SLC35F3: variants seen among roughly 807,000 people sequenced by gnomAD.
The protein encoded by SLC35F3 is putative thiamine transporter SLC35F3.
Under a neutral mutation model 49.9 loss-of-function variants are expected in SLC35F3, and 25 were observed. That is an observed-to-expected ratio of 0.50 (90% CI 0.37 to 0.70). The LOEUF (loss-of-function observed/expected upper bound fraction) is 0.70, where lower values mean the gene tolerates loss of function less well. SLC35F3 is among the 30% of genes least tolerant of loss of function. The pLI is 0.00. For synonymous variants in SLC35F3, 275 were observed against 265.4 expected (o/e 1.04, Z -0.35); for missense variants, 525 against 639.8 (o/e 0.82, Z 1.94).
chr1:233,975,430 C>T lies in SLC35F3; in HGVS notation c.283+69672C>T, dbSNP rs188257806. ...GCCATAACTGCGGAATACCTTTCTC[C>T]AAGAAGCTGAAATAACCTGTGTCAA... On this transcript the variant is annotated intron_variant, in intron 2 of 7. Transcript: ENST00000366618. Among the ~76,000 whole-genome samples, 36 of 152,348 alleles carry T rather than the reference C, an allele frequency of 2.4e-4. 1 individual carries two copies. The highest frequency in any genetic ancestry group is 8.4e-4 in the African/African-American group (35 of 41,578).
At chr1:234,088,889 G>A (rs1456196362) in intron 2 of SLC35F3, among the ~76,000 whole-genome samples, 2 of 152,098 alleles carry the variant, frequency 1.3e-5, no homozygotes, top group Non-Finnish European at 2.9e-5. Flanking sequence ...AGCCTCCTGA[G>A]TAGCTGGAAT....
chr1:234,066,179 A>G (rs1572038591), intron 2 of SLC35F3, among the ~76,000 whole-genome samples: 2 of 152,228 alleles, frequency 1.3e-5, no homozygotes, highest in South Asian at 4.1e-4. Context: ...GATGAAGAGA[A>G]GCACTGAGTT....
intron 2 of SLC35F3, among the ~76,000 whole-genome samples, chr1:234,109,055 G>A (rs1331591760): frequency 5.3e-5 from 8 of 151,924 alleles, no homozygotes; most frequent in Admixed American, 5.3e-4. Flanking sequence ...ATTCTGCTCT[G>A]ACCATCCTGA....
At chr1:234,127,958 A>G (rs1291685483) in intron 2 of SLC35F3, among the ~76,000 whole-genome samples, 1 of 152,172 alleles carries the variant, frequency 6.6e-6, no homozygotes, top group African/African-American at 2.4e-5. Context: ...TTATCTGTCC[A>G]TTGCTCCCTC....
rs566085976 is a variant in SLC35F3, at chr1:234,312,905, C to T, written c.828+3585C>T. On this transcript the variant is annotated intron_variant, in intron 4 of 7. Transcript: ENST00000366618. ...TGTTTTTGTTTTGCAGAGACAGGAT[C>T]TCACTATGTCACCCAGGCTGGATTA... Among the ~76,000 whole-genome samples, 3 of 152,132 alleles carry T rather than the reference C, an allele frequency of 2.0e-5. No individual in the cohort carries two copies. In the South Asian group the frequency reaches 6.2e-4, roughly 32 times the overall value.
chr1:234,170,092 T>G (rs1261218789), intron 2 of SLC35F3, among the ~76,000 whole-genome samples: 1 of 152,192 alleles, frequency 6.6e-6, no homozygotes, highest in Non-Finnish European at 1.5e-5. Context: ...TAATCCTTCA[T>G]GCCTCTTCTC....
intron 2 of SLC35F3, among the ~76,000 whole-genome samples, chr1:234,010,309 T>C (rs1663695903): frequency 6.6e-6 from 1 of 152,184 alleles, no homozygotes; most frequent in East Asian, 1.9e-4. Flanking sequence ...AGATGTTTTA[T>C]GTAAGTCTCA....
At chr1:233,975,964 C>T (rs1370416168) in intron 2 of SLC35F3, among the ~76,000 whole-genome samples, 2 of 152,074 alleles carry the variant, frequency 1.3e-5, no homozygotes. Flanking sequence ...TTAGAGATGG[C>T]ATATCAGGGC....
At chr1:234,047,798 A>T (rs1232081810) in intron 2 of SLC35F3, among the ~76,000 whole-genome samples, 1 of 152,222 alleles carries the variant, frequency 6.6e-6, no homozygotes, top group Non-Finnish European at 1.5e-5. Context: ...CCATGCTAGT[A>T]AAACATTAGA....
rs116724566 is a variant in SLC35F3, at chr1:234,284,570, T to G, written c.609-24531T>G. Among the ~76,000 whole-genome samples, 563 of 152,322 alleles carry G rather than the reference T, an allele frequency of 3.7e-3. 2 individuals carry two copies. Among genetic ancestry groups the G allele is most frequent in the African/African-American group, 0.013 (546 of 41,564 alleles). On this transcript the variant is annotated intron_variant, in intron 3 of 7. Coordinates refer to ENST00000366618, the MANE Select transcript of SLC35F3 (RefSeq NM_173508.4). ...ACTGTTGTAGTGGCCTGGACAATGT[T>G]GGAAGACGTAAAAGAGAAAGCAAAG...
At chr1:234,247,737 C>CGGTTGGCTGGTCCATTGTTTGGTGGGTT (rs1667658910) in intron 3 of SLC35F3, among the ~76,000 whole-genome samples, 1 of 63,746 alleles carries the variant, frequency 1.6e-5, no homozygotes, top group Non-Finnish European at 3.3e-5. Flanking sequence ...TTTGGTGGGT[C>CGGTTGGCTGGTCCATTGTTTGGTGGGTT]GGTTGGCTGG....
chr1:234,284,414 C>T (rs1572134452), intron 3 of SLC35F3, among the ~76,000 whole-genome samples: 1 of 152,180 alleles, frequency 6.6e-6, no homozygotes, highest in East Asian at 1.9e-4. Flanking sequence ...TACTCCTGCT[C>T]ATGTTCCACA....
intron 2 of SLC35F3, among the ~76,000 whole-genome samples, chr1:234,036,662 T>C (rs1365256704): frequency 6.6e-6 from 1 of 152,220 alleles, no homozygotes; most frequent in Non-Finnish European, 1.5e-5. Flanking sequence ...TTTGTCAGTG[T>C]CGGGAGGGAC....
chr1:234,271,642 C>T (rs11587866), intron 3 of SLC35F3, among the ~76,000 whole-genome samples: 2 of 152,016 alleles, frequency 1.3e-5, no homozygotes, highest in South Asian at 2.1e-4. Flanking sequence ...ATACATTTGC[C>T]GAAAGCAAGA....
intron 3 of SLC35F3, among the ~76,000 whole-genome samples, chr1:234,278,532 C>T (rs1044506209): frequency 6.6e-5 from 10 of 151,732 alleles, no homozygotes; most frequent in African/African-American, 1.9e-4. Flanking sequence ...AAAACTAAAG[C>T]TGAGTTGTCA....
chr1:234,003,255 G>T (rs1393581952), intron 2 of SLC35F3, among the ~76,000 whole-genome samples: 2 of 152,164 alleles, frequency 1.3e-5, no homozygotes, highest in Non-Finnish European at 2.9e-5. Context: ...GGATGCTGGA[G>T]AATTAGTAAT....
At chr1:234,217,913 G>A (rs1444066190) in intron 2 of SLC35F3, among the ~76,000 whole-genome samples, 2 of 152,216 alleles carry the variant, frequency 1.3e-5, no homozygotes, top group African/African-American at 4.8e-5. Context: ...GGCCTTATGA[G>A]GCATCACAGC....
At chr1:234,241,997 T>C (rs1667561432) in intron 3 of SLC35F3, among the ~76,000 whole-genome samples, 1 of 152,210 alleles carries the variant, frequency 6.6e-6, no homozygotes, top group Admixed American at 6.5e-5. Flanking sequence ...AGCCACAGGG[T>C]AAAGGCTTTT....
chr1:234,063,590 A>G (rs1442204184), intron 2 of SLC35F3, among the ~76,000 whole-genome samples: 1 of 151,932 alleles, frequency 6.6e-6, no homozygotes, highest in Non-Finnish European at 1.5e-5. Context: ...TTAATCCTAA[A>G]TGGGTCCTGT....
Sources: gnomAD v4.1 joint callset for allele counts (sites outside exome capture counted in the v4.1 genomes callset) on GRCh38, gnomAD v4.1.1 for gene constraint, MANE v1.5 for transcripts, NCBI Gene and HGNC (gene_info 2026-07-23, HGNC 2026-07-21) for gene names.